BRINP3: variants seen among roughly 807,000 people sequenced by gnomAD.
BRINP3 encodes BMP/retinoic acid-inducible neural-specific protein 3.
BRINP3 carries 19 observed loss-of-function variants against 71.0 expected under a neutral mutation model. That is an observed-to-expected ratio of 0.27 (90% CI 0.19 to 0.39). BRINP3 has a LOEUF of 0.39. Among genes scored for constraint, BRINP3 ranks in the 10% least tolerant of loss-of-function variants. BRINP3 has a pLI of 1.00. For missense variants in BRINP3, 959 were observed against 940.8 expected, an observed-to-expected ratio of 1.02 and a Z score of -0.25; for synonymous variants, 380 against 337.7, an observed-to-expected ratio of 1.13 and a Z score of -1.37.
At chr1:190,414,340 T>A (rs1200259437) in intron 2 of BRINP3, among the ~76,000 whole-genome samples, 1 of 152,034 alleles carries the variant, frequency 6.6e-6, no homozygotes, top group Non-Finnish European at 1.5e-5. Flanking sequence ...TCACTGTGTT[T>A]TTTTTTTGTT....
At chr1:190,179,736 T>C (rs1415483817) in intron 6 of BRINP3, among the ~76,000 whole-genome samples, 1 of 152,110 alleles carries the variant, frequency 6.6e-6, no homozygotes, top group Non-Finnish European at 1.5e-5. Flanking sequence ...CTGTGGGAAA[T>C]AGTTAGGACA....
chr1:190,183,752 G>A (rs2102544709), intron 6 of BRINP3, among the ~76,000 whole-genome samples: 1 of 151,260 alleles, frequency 6.6e-6, no homozygotes, highest in Middle Eastern at 3.4e-3. Flanking sequence ...CACTCGGTGG[G>A]GATGAAAGTC....
At chr1:190,390,713 T>C (rs1571930464) in intron 2 of BRINP3, among the ~76,000 whole-genome samples, 1 of 151,828 alleles carries the variant, frequency 6.6e-6, no homozygotes, top group East Asian at 1.9e-4. Flanking sequence ...ATCACAATGG[T>C]GAAGGCCACA....
At position 190,401,014 on chromosome 1, in the gene BRINP3, C is replaced by A. The variant is rs557367667; in HGVS notation, c.236+53641G>T. ...AACAACCAAACTTTTTGCCTGCTTGCAGGCATATTGTGGCCTTGAAGAAAG... is the reference window on the plus strand; with the variant it reads ...AACAACCAAACTTTTTGCCTGCTTGAAGGCATATTGTGGCCTTGAAGAAAG... On this transcript the variant is annotated intron_variant, in intron 2 of 7. Coordinates refer to ENST00000367462, the MANE Select transcript of BRINP3 (RefSeq NM_199051.3). 5.9e-5 allele frequency among the ~76,000 whole-genome samples: 9 copies of A among 152,238 alleles called. No homozygotes were observed. In the South Asian group the frequency reaches 1.9e-3, roughly 32 times the overall value.
At position 190,152,264 on chromosome 1, in the gene BRINP3, T is replaced by C. The variant is rs562495148; in HGVS notation, c.1184+8404A>G. On this transcript the variant is annotated intron_variant, in intron 7 of 7. Transcript: ENST00000367462. Reference sequence around the variant, plus strand: ...GGTCCTTTTTAAATATATTTTTTGTTAACCAACCATGGCAGTCATTATCTC... The same window carrying C: ...GGTCCTTTTTAAATATATTTTTTGTCAACCAACCATGGCAGTCATTATCTC... Among the ~76,000 whole-genome samples, 78 of 152,128 alleles carry C rather than the reference T, an allele frequency of 5.1e-4. 2 individuals carry two copies. In the South Asian group the frequency reaches 8.3e-3, roughly 16 times the overall value.
intron 3 of BRINP3, among the ~76,000 whole-genome samples, chr1:190,267,232 G>A (rs1431411126): frequency 1.3e-5 from 2 of 151,972 alleles, no homozygotes; most frequent in Admixed American, 6.6e-5. Flanking sequence ...ATTTACAAAC[G>A]GTGACCATGT....
At chr1:190,248,849 A>G (rs1436001222) in intron 4 of BRINP3, among the ~76,000 whole-genome samples, 1 of 151,710 alleles carries the variant, frequency 6.6e-6, no homozygotes, top group African/African-American at 2.4e-5. Context: ...TCTTATGGTT[A>G]TGAGACAGAC....
intron 2 of BRINP3, among the ~76,000 whole-genome samples, chr1:190,375,433 T>C (rs981281590): frequency 6.6e-6 from 1 of 151,968 alleles, no homozygotes; most frequent in African/African-American, 2.4e-5. Context: ...TGATTTTTAC[T>C]TTATAGAAAT....
chr1:190,206,167 T>A (rs372759086), intron 6 of BRINP3, among the ~76,000 whole-genome samples: 1 of 152,062 alleles, frequency 6.6e-6, no homozygotes, highest in Admixed American at 6.6e-5. Flanking sequence ...ATGACTTAAA[T>A]GTAACAACAC....
chr1:190,331,122 T>C (rs1044650277), intron 2 of BRINP3, among the ~76,000 whole-genome samples: 1 of 151,994 alleles, frequency 6.6e-6, no homozygotes, highest in Non-Finnish European at 1.5e-5. Flanking sequence ...AAAAACTCTA[T>C]ATCCATTAGA....
At chr1:190,109,451 T>C (rs1355999148) in intron 7 of BRINP3, among the ~76,000 whole-genome samples, 2 of 152,180 alleles carry the variant, frequency 1.3e-5, no homozygotes, top group African/African-American at 4.8e-5. Context: ...TATTGACACA[T>C]TCCTCATATA....
chr1:190,118,852 T>C, intron 7 of BRINP3, among the ~76,000 whole-genome samples: 1 of 152,212 alleles, frequency 6.6e-6, no homozygotes, highest in East Asian at 1.9e-4. Context: ...AGAGAAAACC[T>C]AAATTATTCA....
chr1:190,169,762 G>GAA, intron 6 of BRINP3, among the ~76,000 whole-genome samples: 1 of 152,142 alleles, frequency 6.6e-6, no homozygotes, highest in East Asian at 1.9e-4. Context: ...TAATTACTAT[G>GAA]AAAACAATAA....
intron 6 of BRINP3, among the ~76,000 whole-genome samples, chr1:190,169,978 C>A (rs1191872411): frequency 1.3e-5 from 2 of 151,986 alleles, no homozygotes; most frequent in Non-Finnish European, 2.9e-5. Flanking sequence ...GCAAGCTGTT[C>A]AAAGTGACAC....
intron 3 of BRINP3, among the ~76,000 whole-genome samples, chr1:190,279,053 G>GA (rs538590353): frequency 6.6e-6 from 1 of 151,346 alleles, no homozygotes; most frequent in Non-Finnish European, 1.5e-5. Flanking sequence ...TTCTTATCTG[G>GA]AAAAATATAT....
At chr1:190,327,326 CAAAA>C (rs1227478693) in intron 2 of BRINP3, among the ~76,000 whole-genome samples, 606 of 44,200 alleles carry the variant, frequency 0.014, 4 homozygotes, top group African/African-American at 0.039. Context: ...AAAAAAAGAA[CAAAA>C]AAAAAAAAAA....
intron 2 of BRINP3, among the ~76,000 whole-genome samples, chr1:190,416,544 T>C (rs1181776078): frequency 2.0e-5 from 3 of 152,170 alleles, no homozygotes; most frequent in African/African-American, 7.2e-5. Context: ...CTCATTAGCA[T>C]AGCATGAAAG....
chr1:190,364,702 T>C (rs1054044563), intron 2 of BRINP3, among the ~76,000 whole-genome samples: 1 of 152,116 alleles, frequency 6.6e-6, no homozygotes, highest in Non-Finnish European at 1.5e-5. Context: ...ACATCTTGAG[T>C]AATCTTAAAC....
intron 2 of BRINP3, among the ~76,000 whole-genome samples, chr1:190,377,015 G>T (rs1670227799): frequency 6.6e-6 from 1 of 152,042 alleles, no homozygotes; most frequent in Non-Finnish European, 1.5e-5. Flanking sequence ...GGTACTGAAT[G>T]CATGAAAAGT....
Sources: allele counts gnomAD v4.1 joint callset (sites outside exome capture counted in the v4.1 genomes callset), GRCh38; gene constraint gnomAD v4.1.1; transcripts MANE v1.5; gene names NCBI Gene and HGNC (gene_info 2026-07-23, HGNC 2026-07-21).